RPH3A: variants seen among roughly 807,000 people sequenced by gnomAD.
RPH3A encodes the protein rabphilin-3A.
RPH3A carries 48 observed loss-of-function variants against 102.2 expected under a neutral mutation model. The ratio of observed to expected loss-of-function variants is 0.47; its 90% CI spans 0.37 to 0.60. The LOEUF (loss-of-function observed/expected upper bound fraction) is 0.60. RPH3A is among the 20% of genes least tolerant of loss of function. RPH3A has a pLI of 0.00. For synonymous variants in RPH3A, 310 were observed against 324.3 expected, an observed-to-expected ratio of 0.96 and a Z score of 0.47; for missense variants, 781 against 910.1, an observed-to-expected ratio of 0.86 and a Z score of 1.83.
rs547338311 is a variant in RPH3A at position 112,856,692 on chromosome 12, T to C, written c.231-8722T>C. Among the ~76,000 whole-genome samples, 3 of 152,332 alleles carry C rather than the reference T, an allele frequency of 2.0e-5. 1 individual carries two copies. The South Asian group carries it at 6.2e-4, about 32-fold the overall frequency. Reference sequence around the variant, plus strand: ...AAAGACAGACTTCGCAGGCAGATGATAGCATCCTGGTTACCCAGAAAAAAT... The same window carrying C: ...AAAGACAGACTTCGCAGGCAGATGACAGCATCCTGGTTACCCAGAAAAAAT... On this transcript the variant is annotated intron_variant, in intron 5 of 21. Coordinates refer to ENST00000389385, the MANE Select transcript of RPH3A (RefSeq NM_001143854.2).
At chr12:112,798,559 A>G (rs2041278776) in intron 2 of RPH3A, among the ~76,000 whole-genome samples, 1 of 152,128 alleles carries the variant, frequency 6.6e-6, no homozygotes, top group South Asian at 2.1e-4. Context: ...GAGAAGAGAG[A>G]TGGTTTCTCG....
chr12:112,583,165 T>C (rs2039412535), intron 1 of RPH3A, among the ~76,000 whole-genome samples: 1 of 152,206 alleles, frequency 6.6e-6, no homozygotes, highest in South Asian at 2.1e-4. Context: ...ATGACCTAAT[T>C]TTCATTGAGT....
intron 1 of RPH3A, among the ~76,000 whole-genome samples, chr12:112,701,915 C>T (rs187364994): frequency 6.6e-6 from 1 of 152,310 alleles, no homozygotes; most frequent in East Asian, 1.9e-4. Flanking sequence ...TCTTTAACTG[C>T]AAAATGTACT....
chr12:112,825,276 T>A (rs1226665284), intron 2 of RPH3A, among the ~76,000 whole-genome samples: 1 of 152,192 alleles, frequency 6.6e-6, no homozygotes, highest in African/African-American at 2.4e-5. Flanking sequence ...TGGGAGCAGA[T>A]GAAATAGCTT....
At chr12:112,895,634 C>T (rs1204992990) in intron 20 of RPH3A, 143 bp from the exon 21 acceptor site, 4 of 588,338 alleles carry the variant, frequency 6.8e-6, no homozygotes, top group Non-Finnish European at 1.2e-5. Context: ...GGCAGAGGAT[C>T]GGCACGGGAA....
At chr12:112,712,518 A>G (rs1462761703) in intron 1 of RPH3A, among the ~76,000 whole-genome samples, 2 of 152,170 alleles carry the variant, frequency 1.3e-5, no homozygotes, top group African/African-American at 4.8e-5. Flanking sequence ...AACATAATGA[A>G]CACCCATGTA....
chr12:112,886,793 GTATC>G (rs1237080501), intron 16 of RPH3A, among the ~76,000 whole-genome samples: 1 of 152,188 alleles, frequency 6.6e-6, no homozygotes, highest in Non-Finnish European at 1.5e-5. Context: ...CTGGGCCCCA[GTATC>G]TTCTCTAAAT....
intron 1 of RPH3A, among the ~76,000 whole-genome samples, chr12:112,633,800 TATGAATATTTCAAAACCTGGA>T (rs2039825300): frequency 6.6e-6 from 1 of 152,236 alleles, no homozygotes. Flanking sequence ...GGTCAGAATT[TATGAATATTTCAAAACCTGGA>T]ATGAGACTGA....
chr12:112,722,097 C>T (rs538563224), intron 1 of RPH3A, among the ~76,000 whole-genome samples: 4 of 152,330 alleles, frequency 2.6e-5, no homozygotes, highest in South Asian at 4.2e-4. Context: ...CACTCCTCCT[C>T]ATTTACAGAG....
At chr12:112,815,692 G>A (rs1428209403) in intron 2 of RPH3A, among the ~76,000 whole-genome samples, 1 of 152,188 alleles carries the variant, frequency 6.6e-6, no homozygotes, top group Non-Finnish European at 1.5e-5. Context: ...TTTCACTGCA[G>A]CCTGGGCCTG....
chr12:112,836,444 T>A, intron 3 of RPH3A, 47 bp from the exon 4 acceptor site: 2 of 1,229,072 alleles, frequency 1.6e-6, no homozygotes, highest in South Asian at 2.8e-5. Context: ...ATTTCTTACC[T>A]AACTTTATTC....
At chr12:112,824,238 C>T (rs1476967812) in intron 2 of RPH3A, among the ~76,000 whole-genome samples, 1 of 152,160 alleles carries the variant, frequency 6.6e-6, no homozygotes, top group Admixed American at 6.5e-5. Flanking sequence ...GCCGTCTTGC[C>T]CTAGAAGAAG....
intron 1 of RPH3A, among the ~76,000 whole-genome samples, chr12:112,782,796 T>C (rs1163849605): frequency 6.6e-6 from 1 of 152,200 alleles, no homozygotes; most frequent in African/African-American, 2.4e-5. Context: ...TGCCACTATT[T>C]ATTTAAATGA....
Position 112,722,430 on chromosome 12 carries a change from A to G in RPH3A, c.-139-69713A>G, listed in dbSNP as rs187634810. 4.6e-3 allele frequency among the ~76,000 whole-genome samples: 706 copies of G among 152,370 alleles called. 3 individuals are homozygous for G. Among genetic ancestry groups the G allele is most frequent in the African/African-American group, 0.015 (632 of 41,586 alleles). On this transcript the variant is annotated intron_variant, in intron 1 of 21. Transcript: ENST00000543106. The stretch of plus-strand genomic sequence containing the variant: ...GTAAAAGATATGATTTCATCTGTAC[A>G]TTCTAAGGAATGTTGTAGAATACTC...
At chr12:112,640,006 AGTGGAGCCGGG>A (rs1205391181) in intron 1 of RPH3A, among the ~76,000 whole-genome samples, 1 of 152,054 alleles carries the variant, frequency 6.6e-6, no homozygotes, top group African/African-American at 2.4e-5. Context: ...GCTGGGAAAT[AGTGGAGCCGGG>A]GTTCAAAGCA....
chr12:112,742,728 T>A (rs372243197), intron 1 of RPH3A, among the ~76,000 whole-genome samples: 91 of 152,240 alleles, frequency 6.0e-4, no homozygotes, highest in African/African-American at 2.1e-3. Flanking sequence ...CAAAGGAGCT[T>A]GGGGTGGCAC....
At chr12:112,676,940 G>A (rs1194656053) in intron 1 of RPH3A, among the ~76,000 whole-genome samples, 1 of 152,268 alleles carries the variant, frequency 6.6e-6, no homozygotes, top group Non-Finnish European at 1.5e-5. Flanking sequence ...CCTTGCTAAC[G>A]ATAAACACAC....
chr12:112,898,221 T>A lies in RPH3A; in HGVS notation c.*1441T>A, dbSNP rs1593145104. ...TTTCACTTTCTTCCTATAAAAAAAA[T>A]TATTTTATAAAGGAGGAAAAGGCAA... On this transcript the variant is annotated 3_prime_UTR_variant, in exon 22 of 22. Transcript: ENST00000389385. The A allele has an allele frequency of 6.6e-6, 1 of 152,158 alleles. No individual in the cohort carries two copies. The highest frequency in any genetic ancestry group is 1.5e-5 in the Non-Finnish European group (1 of 68,026). The allele number at this position is 152,158 out of a possible 1,614,324, so 9.4% of individuals were successfully genotyped here.
chr12:112,615,859 C>T (rs2039674933), intron 1 of RPH3A, among the ~76,000 whole-genome samples: 1 of 152,132 alleles, frequency 6.6e-6, no homozygotes, highest in Non-Finnish European at 1.5e-5. Context: ...TTTTCATAAA[C>T]ATGAAGAGAA....
Sources: gnomAD v4.1 joint callset for allele counts (sites outside exome capture counted in the v4.1 genomes callset) on GRCh38, gnomAD v4.1.1 for gene constraint, MANE v1.5 for transcripts, NCBI Gene and HGNC (gene_info 2026-07-23, HGNC 2026-07-21) for gene names.